LMTK2: variants seen among roughly 807,000 people sequenced by gnomAD.
The protein encoded by LMTK2 is serine/threonine-protein kinase LMTK2.
Under a neutral mutation model 127.5 loss-of-function variants are expected in LMTK2, and 37 were observed. That is an observed-to-expected ratio of 0.29 (90% CI 0.22 to 0.38). The LOEUF is 0.38. Ranked by LOEUF, LMTK2 falls within the 10% of genes least tolerant of loss-of-function variation. The probability of loss-of-function intolerance (pLI) is 1.00; values close to 1 mark genes in which losing one functional copy is unlikely to be tolerated. For missense variants in LMTK2, 1,694 were observed against 1,920.3 expected (o/e 0.88, Z 2.20); for synonymous variants, 819 against 810.1 (o/e 1.01, Z -0.19).
At chr7:98,163,906 C>A (rs1328780352) in intron 6 of LMTK2, among the ~76,000 whole-genome samples, 1 of 152,212 alleles carries the variant, frequency 6.6e-6, no homozygotes, top group Non-Finnish European at 1.5e-5. Flanking sequence ...CGGTGAAGGA[C>A]CGGCTATCGC....
Position 98,140,185 on chromosome 7 carries a change from C to T in LMTK2, c.232-1212C>T, listed in dbSNP as rs1327693140. Among the ~76,000 whole-genome samples the T allele has an allele frequency of 6.3e-4, 16 of 25,378 alleles. 2 individuals carry two copies. The highest frequency in any genetic ancestry group is 1.7e-3 in the African/African-American group (9 of 5,144). The allele number at this position is 25,378 out of a possible 152,430, so 16.6% of individuals were successfully genotyped here. ...TTCTTTTCTTTTCTTTCTTTTCTTTCTTCTTTCTGTCTTTGAGATGGTCTC... is the reference window on the plus strand; with the variant it reads ...TTCTTTTCTTTTCTTTCTTTTCTTTTTTCTTTCTGTCTTTGAGATGGTCTC... On this transcript the variant is annotated intron_variant, in intron 2 of 13. Transcript: ENST00000297293.
intron 1 of LMTK2, among the ~76,000 whole-genome samples, chr7:98,112,612 G>A (rs1020445940): frequency 8.5e-5 from 13 of 152,190 alleles, no homozygotes; most frequent in Admixed American, 3.3e-4. Context: ...TGTGGGACAG[G>A]GCTGGTGTGA....
At chr7:98,111,773 T>C (rs1201662544) in intron 1 of LMTK2, among the ~76,000 whole-genome samples, 1 of 152,216 alleles carries the variant, frequency 6.6e-6, no homozygotes, top group Non-Finnish European at 1.5e-5. Context: ...ACATGGCATG[T>C]CTAGAATTTA....
rs906418270 is a variant in LMTK2, at chr7:98,171,219, G to A, written c.658-322G>A. Among the ~76,000 whole-genome samples the A allele has an allele frequency of 4.6e-5, 7 of 152,136 alleles. No individual in the cohort carries two copies. Among genetic ancestry groups the A allele is most frequent in the African/African-American group, 7.2e-5 (3 of 41,422 alleles). ...AGTGGCACCATTTCTTACACTCTCC[G>A]TGTCATCTCCTAGGTAACCTGGGAG... On this transcript the variant is annotated intron_variant, in intron 6 of 13. Coordinates refer to ENST00000297293, the MANE Select transcript of LMTK2 (RefSeq NM_014916.4). The surrounding 1 kb of genome is among the most constrained non-coding windows in gnomAD (Gnocchi z 5.1).
chr7:98,140,968 G>A (rs909239942), intron 2 of LMTK2, among the ~76,000 whole-genome samples: 1 of 151,360 alleles, frequency 6.6e-6, no homozygotes. Flanking sequence ...GAGGTAGGCG[G>A]CTCACTTGGT....
intron 5 of LMTK2, among the ~76,000 whole-genome samples, chr7:98,156,004 ACT>A (rs1441820562): frequency 6.6e-6 from 1 of 152,030 alleles, no homozygotes; most frequent in African/African-American, 2.4e-5. Context: ...TTTATAAGAA[ACT>A]CTCAAAACTC....
rs750406387 is a variant in LMTK2 at position 98,193,709 on chromosome 7, C to T, written c.3244C>T (p.His1082Tyr). Residue 1082 changes from histidine (H) to tyrosine (Y), a missense_variant, in exon 11 of 14, where the codon CAC (histidine) becomes TAC (tyrosine). This residue lies in a region of LMTK2 where 554 missense variants were observed against 567.7 expected (regional missense o/e 0.98). Coordinates refer to ENST00000297293, the MANE Select transcript of LMTK2 (RefSeq NM_014916.4). This position sits in a 1 kb window ranked among gnomAD's most constrained non-coding sequence, Gnocchi z 4.1. ...VIVISDAGDG[H>Y]RGTEVTPETF... ...TGTCATCTCAGATGCCGGCGATGGTCACAGAGGCACAGAAGTGACCCCTGA... is the reference window on the plus strand; with the variant it reads ...TGTCATCTCAGATGCCGGCGATGGTTACAGAGGCACAGAAGTGACCCCTGA... 6.2e-7 allele frequency: 1 copy of T among 1,613,846 alleles called. No homozygotes were observed. The highest frequency in any genetic ancestry group is 2.2e-5 in the East Asian group (1 of 44,874).
chr7:98,129,645 C>T (rs1224480080), intron 1 of LMTK2, among the ~76,000 whole-genome samples: 1 of 152,172 alleles, frequency 6.6e-6, no homozygotes, highest in African/African-American at 2.4e-5. Context: ...GGATTACAGG[C>T]GTGAGCCACT....
In LMTK2 at chr7:98,191,659, C is replaced by T. The variant is rs149882695; in HGVS notation, c.1194C>T (p.Pro398=). 5.6e-4 allele frequency: 903 copies of T among 1,613,094 alleles called. 2 individuals carry two copies. Among genetic ancestry groups the T allele is most frequent in the Non-Finnish European group, 7.2e-4 (844 of 1,179,506 alleles). ...QFCWLSPEKR[P]AAEDVHRLLT... ...GTTGGCTGTCACCAGAAAAGAGACC[C>T]GCGGCTGAAGATGTGCACAGGCTGC... Residue 398 remains proline (P), a synonymous_variant, in exon 11 of 14, where the codon CCC becomes CCT. Transcript: ENST00000297293.
intron 1 of LMTK2, among the ~76,000 whole-genome samples, chr7:98,129,781 C>T (rs1796496375): frequency 6.6e-6 from 1 of 150,864 alleles, no homozygotes; most frequent in Non-Finnish European, 1.5e-5. Context: ...GCCCCTTCAT[C>T]GCTCTCTAAC....
At chr7:98,205,305 T>A (rs1797772955) in intron 13 of LMTK2, among the ~76,000 whole-genome samples, 159 bp from the exon 14 acceptor site, 1 of 152,214 alleles carries the variant, frequency 6.6e-6, no homozygotes, top group East Asian at 1.9e-4. Flanking sequence ...AGGCAGGGGC[T>A]GCTTCCGAAG....
At chr7:98,169,600 C>G (rs1294403281) in intron 6 of LMTK2, among the ~76,000 whole-genome samples, 2 of 152,156 alleles carry the variant, frequency 1.3e-5, no homozygotes, top group Non-Finnish European at 2.9e-5. Context: ...ATTACCATTT[C>G]ATTGGTAATG....
rs140831172 is a variant in LMTK2 at position 98,193,537 on chromosome 7, C to T, written c.3072C>T (p.Pro1024=). ...ACACTCCCCAGAAACTAGTGCCCCC[C>T]GATAAGCCGGCAGACAGTGGCTACG... is the stretch of plus-strand genomic sequence containing the variant. ...GSHTPQKLVP[P]DKPADSGYET... is the part of the protein sequence containing the mutation. The change falls in exon 11 of 14, where the codon CCC becomes CCT. Residue 1024 remains proline, a synonymous_variant. Transcript: ENST00000297293. This position sits in a 1 kb window ranked among gnomAD's most constrained non-coding sequence, Gnocchi z 4.1. 2.1e-4 allele frequency: 347 copies of T among 1,614,150 alleles called. 1 individual carries two copies. In the African/African-American group the frequency reaches 3.6e-3, roughly 17 times the overall value.
intron 6 of LMTK2, among the ~76,000 whole-genome samples, chr7:98,160,243 A>G (rs1193630878): frequency 6.6e-6 from 1 of 152,254 alleles, no homozygotes; most frequent in African/African-American, 2.4e-5. Context: ...GAGTACCCCA[A>G]AACAAATTCC....
At chr7:98,150,172 G>A in intron 3 of LMTK2, among the ~76,000 whole-genome samples, 1 of 152,068 alleles carries the variant, frequency 6.6e-6, no homozygotes, top group East Asian at 1.9e-4. Context: ...GTCGGGCGTG[G>A]TAGCAGGTGC....
At chr7:98,114,681 G>A (rs1472630157) in intron 1 of LMTK2, among the ~76,000 whole-genome samples, 7 of 152,132 alleles carry the variant, frequency 4.6e-5, no homozygotes, top group Non-Finnish European at 1.0e-4. Context: ...CTGCTGCAGC[G>A]CATCTGTTGT....
intron 1 of LMTK2, among the ~76,000 whole-genome samples, chr7:98,131,997 A>G (rs560236211): frequency 6.6e-6 from 1 of 152,294 alleles, no homozygotes; most frequent in Non-Finnish European, 1.5e-5. Context: ...TTTGAAACAG[A>G]AACTATAAAA....
chr7:98,108,808 A>G (rs534354289), intron 1 of LMTK2, among the ~76,000 whole-genome samples: 1 of 149,802 alleles, frequency 6.7e-6, no homozygotes, highest in East Asian at 2.0e-4. Context: ...GGATTTTTAT[A>G]TATTTTGAAG....
intron 7 of LMTK2, among the ~76,000 whole-genome samples, chr7:98,177,686 G>A (rs910012873): frequency 4.6e-5 from 7 of 152,008 alleles, no homozygotes; most frequent in South Asian, 2.1e-4. Flanking sequence ...AGCCAGAGGC[G>A]TTTTCCCTAG....
Sources: gnomAD v4.1 joint callset for allele counts (sites outside exome capture counted in the v4.1 genomes callset) on GRCh38, gnomAD v4.1.1 for gene constraint, gnomAD v4.1.1 regional missense constraint, Gnocchi (gnomAD v3.1) non-coding constraint, MANE v1.5 for transcripts, NCBI Gene and HGNC (gene_info 2026-07-23, HGNC 2026-07-21) for gene names.